The following GPM6A variants were observed in gnomAD, a reference collection of about 807,000 sequenced individuals.
GPM6A encodes neuronal membrane glycoprotein M6-a.
GPM6A carries 7 observed loss-of-function variants against 32.1 expected under a neutral mutation model. The observed-to-expected ratio is 0.22, with a 90% CI of 0.12 to 0.41. The LOEUF (loss-of-function observed/expected upper bound fraction) is 0.41, where lower values mean the gene tolerates loss of function less well. Among genes scored for constraint, GPM6A ranks in the 10% least tolerant of loss-of-function variants. The pLI is 1.00. For missense variants in GPM6A, 235 were observed against 347.2 expected (o/e 0.68, Z 2.57); for synonymous variants, 130 against 123.4 (o/e 1.05, Z -0.35).
intron 1 of GPM6A, among the ~76,000 whole-genome samples, chr4:175,739,285 C>T (rs1027485140): frequency 3.3e-5 from 5 of 152,046 alleles, no homozygotes; most frequent in South Asian, 2.1e-4. Context: ...GTATTTTTGC[C>T]GAAGAAATAT....
At chr4:175,895,121 AC>A (rs1181431423) in intron 1 of GPM6A, among the ~76,000 whole-genome samples, 2 of 152,158 alleles carry the variant, frequency 1.3e-5, no homozygotes, top group African/African-American at 2.4e-5. Flanking sequence ...TAAAGGCAAA[AC>A]AAAATCTTCT....
chr4:175,663,441 G>A (rs866772384), intron 3 of GPM6A, among the ~76,000 whole-genome samples: 9 of 152,178 alleles, frequency 5.9e-5, no homozygotes, highest in South Asian at 2.1e-4. Flanking sequence ...GAAGGAATAA[G>A]TTAAGAGGTC....
At chr4:175,851,698 A>G (rs1736264138) in intron 1 of GPM6A, among the ~76,000 whole-genome samples, 1 of 152,190 alleles carries the variant, frequency 6.6e-6, no homozygotes. Flanking sequence ...TGCTGCACCA[A>G]CAGGTGGCAC....
chr4:175,953,692 G>A (rs1372890098), intron 1 of GPM6A, among the ~76,000 whole-genome samples: 12 of 152,120 alleles, frequency 7.9e-5, no homozygotes, highest in African/African-American at 2.9e-4. Flanking sequence ...ACCTAAGGTC[G>A]GGATCGAGAC....
At chr4:175,705,481 A>C (rs1745127794) in intron 1 of GPM6A, among the ~76,000 whole-genome samples, 1 of 152,144 alleles carries the variant, frequency 6.6e-6, no homozygotes, top group Non-Finnish European at 1.5e-5. Context: ...ACAGAGCCCG[A>C]GTTGCCTATT....
At chr4:175,726,046 G>A (rs540789726) in intron 1 of GPM6A, among the ~76,000 whole-genome samples, 1 of 140,620 alleles carries the variant, frequency 7.1e-6, no homozygotes, top group African/African-American at 2.7e-5. Flanking sequence ...AGGCTGGAGT[G>A]CAGTGGCGCG....
intron 1 of GPM6A, among the ~76,000 whole-genome samples, chr4:175,865,530 C>T (rs1736707029): frequency 1.3e-5 from 2 of 152,154 alleles, no homozygotes; most frequent in South Asian, 4.1e-4. Flanking sequence ...GAATGAACAT[C>T]TTAACAATAT....
intron 1 of GPM6A, chr4:175,807,012 C>T (rs1226096120): frequency 6.6e-6 from 1 of 152,140 alleles, no homozygotes; most frequent in African/African-American, 2.4e-5. Context: ...ATTATTAATT[C>T]TTACACTTAA....
At chr4:175,716,407 G>C (rs1224326029) in intron 1 of GPM6A, among the ~76,000 whole-genome samples, 2 of 152,142 alleles carry the variant, frequency 1.3e-5, no homozygotes, top group Non-Finnish European at 2.9e-5. Flanking sequence ...CTGGTAAAGA[G>C]TGTTTATGTA....
chr4:175,655,993 C>A (rs1190358301), intron 3 of GPM6A, among the ~76,000 whole-genome samples: 1 of 151,894 alleles, frequency 6.6e-6, no homozygotes, highest in Non-Finnish European at 1.5e-5. Context: ...ATTTCTGTCC[C>A]ATTTGGTATT....
intron 1 of GPM6A, among the ~76,000 whole-genome samples, chr4:175,879,397 C>A (rs547675644): frequency 1.3e-5 from 2 of 152,132 alleles, no homozygotes; most frequent in Non-Finnish European, 2.9e-5. Context: ...AAATAACAGA[C>A]ATGTAATTGA....
chr4:175,678,930 T>C (rs1489378907), intron 2 of GPM6A, among the ~76,000 whole-genome samples: 2 of 152,190 alleles, frequency 1.3e-5, no homozygotes, highest in Non-Finnish European at 2.9e-5. Flanking sequence ...TTTTATCTCA[T>C]TTACTTGATT....
At chr4:175,894,764 C>G (rs904670000) in intron 1 of GPM6A, among the ~76,000 whole-genome samples, 1 of 152,056 alleles carries the variant, frequency 6.6e-6, no homozygotes, top group Non-Finnish European at 1.5e-5. Context: ...CAAACACACT[C>G]TAGTATCATT....
chr4:175,954,543 T>G (rs1739922047), intron 1 of GPM6A, among the ~76,000 whole-genome samples: 1 of 152,204 alleles, frequency 6.6e-6, no homozygotes. Context: ...CACTGAGTTT[T>G]GTCTATCATT....
At chr4:175,878,750 C>T (rs892633929) in intron 1 of GPM6A, among the ~76,000 whole-genome samples, 5 of 152,144 alleles carry the variant, frequency 3.3e-5, no homozygotes, top group African/African-American at 4.8e-5. Context: ...CTCCTCATTA[C>T]TTGTGCAAAT....
In GPM6A at chr4:175,975,772, T is replaced by G. The variant is rs573611771; in HGVS notation, c.-23+26537A>C. 2.0e-3 allele frequency among the ~76,000 whole-genome samples: 298 copies of G among 152,376 alleles called. 1 individual carries two copies. The highest frequency in any genetic ancestry group is 7.0e-3 in the African/African-American group (290 of 41,594). ...GATTTATTAATCAAAGATAAAGTAC[T>G]GTAAATGTAATCATAGAATCTTCAG... is the stretch of plus-strand genomic sequence containing the variant. On this transcript the variant is annotated intron_variant, in intron 1 of 7. Transcript: ENST00000280187.
chr4:175,997,317 T>C (rs1741338271), intron 1 of GPM6A, among the ~76,000 whole-genome samples: 1 of 152,186 alleles, frequency 6.6e-6, no homozygotes, highest in African/African-American at 2.4e-5. Flanking sequence ...TCCGCTGAGG[T>C]TGGGACTCTT....
chr4:175,747,898 T>A (rs1346657573), intron 1 of GPM6A, among the ~76,000 whole-genome samples: 1 of 147,518 alleles, frequency 6.8e-6, no homozygotes, highest in African/African-American at 2.5e-5. Flanking sequence ...TTGGAGTCAA[T>A]CCTCTCAAAC....
At chr4:175,870,995 T>C (rs1736888969) in intron 1 of GPM6A, among the ~76,000 whole-genome samples, 1 of 152,066 alleles carries the variant, frequency 6.6e-6, no homozygotes, top group South Asian at 2.1e-4. Flanking sequence ...ATCATGTTAA[T>C]ATCATATTTC....
Sources: allele counts gnomAD v4.1 joint callset (sites outside exome capture counted in the v4.1 genomes callset), GRCh38; gene constraint gnomAD v4.1.1; transcripts MANE v1.5; gene names NCBI Gene and HGNC (gene_info 2026-07-23, HGNC 2026-07-21).